Variants in LSMEM2 observed in about 807,000 individuals in gnomAD.
LSMEM2 encodes the protein leucine-rich single-pass membrane protein 2.
In LSMEM2, 20 loss-of-function variants were observed where a neutral mutation model predicts 17.3. The observed-to-expected ratio is 1.16, with a 90% CI of 0.81 to 1.68. The LOEUF is 1.68. Ranked by LOEUF, LSMEM2 falls within the 40% of genes most tolerant of loss-of-function variation. The pLI is 0.00. For synonymous variants in LSMEM2, 94 were observed against 97.8 expected, an observed-to-expected ratio of 0.96 and a Z score of 0.23; for missense variants, 207 against 214.3, an observed-to-expected ratio of 0.97 and a Z score of 0.21.
Position 50,287,119 on chromosome 3 carries a change from G to A in LSMEM2, c.412G>A (p.Glu138Lys), listed in dbSNP as rs1553708692. ...RILAHTLRTQ[E>K]ETLLKLRLAS... The stretch of plus-strand genomic sequence containing the variant: ...CCTGGCACACACGCTCCGCACGCAG[G>A]AGGAGACACTACTCAAACTCCGCTT... The change falls in exon 4 of 4, where the codon GAG becomes AAG. Residue 138 changes from glutamate (E) to lysine (K), a missense_variant. By Grantham distance (56) the Glu-to-Lys change is moderately conservative. Transcript: ENST00000316436. 2 of 1,614,126 alleles carry A rather than the reference G, an allele frequency of 1.2e-6. No homozygotes were observed. The highest frequency in any genetic ancestry group is 1.7e-6 in the Non-Finnish European group (2 of 1,180,024).
Position 50,286,599 on chromosome 3 carries a change from T to C in LSMEM2, c.172+15T>C. On this transcript the variant is annotated intron_variant, in intron 2 of 3. Transcript: ENST00000316436. ...ACATAGTGGAGGTGAGTGGGGACAG[T>C]GGGGTGGATGATGTGCTGGGGGAGG... The C allele has an allele frequency of 1.2e-6, 2 of 1,611,400 alleles. No homozygotes were observed. The highest frequency in any genetic ancestry group is 8.5e-7 in the Non-Finnish European group (1 of 1,178,648).
intron 1 of LSMEM2, among the ~76,000 whole-genome samples, chr3:50,285,941 A>G (rs938413687): frequency 6.6e-6 from 1 of 152,060 alleles, no homozygotes; most frequent in African/African-American, 2.4e-5. Flanking sequence ...GTGCAACAGT[A>G]TAACAAAGAA....
At chr3:50,284,816 AC>A (rs1373589664) in intron 1 of LSMEM2, among the ~76,000 whole-genome samples, 2 of 151,900 alleles carry the variant, frequency 1.3e-5, no homozygotes, top group Non-Finnish European at 2.9e-5. Flanking sequence ...CGGGCGGATC[AC>A]TTGAGGTCAG....
intron 1 of LSMEM2, among the ~76,000 whole-genome samples, chr3:50,282,380 C>T (rs958442850): frequency 6.6e-6 from 1 of 152,104 alleles, no homozygotes. Context: ...CTTTTGAGCA[C>T]GTCAAGAGGC....
chr3:50,279,268 T>A (rs1447188805), intron 1 of LSMEM2, 97 bp downstream of exon 1: 173 of 1,144,010 alleles, frequency 1.5e-4, no homozygotes, highest in Non-Finnish European at 2.2e-4. Context: ...CCTCACTGTC[T>A]TGAGTAGTTA....
At chr3:50,286,303 A>C in intron 1 of LSMEM2, 168 bp from the exon 2 acceptor site, 1 of 574,884 alleles carries the variant, frequency 1.7e-6, no homozygotes, top group Non-Finnish European at 2.2e-6. Context: ...AGGGTCTGGG[A>C]TCATCCTGGA....
chr3:50,280,997 T>G (rs1241484686), intron 1 of LSMEM2, among the ~76,000 whole-genome samples: 2 of 152,084 alleles, frequency 1.3e-5, no homozygotes, highest in African/African-American at 2.4e-5. Flanking sequence ...TTTCCTGTAA[T>G]AAACAATTCA....
chr3:50,286,909 G>T (rs200133922), intron 3 of LSMEM2, 47 bp downstream of exon 3: 1 of 1,602,524 alleles, frequency 6.2e-7, no homozygotes. Flanking sequence ...AAGGCAGTGG[G>T]GACTGGGAGG....
intron 1 of LSMEM2, among the ~76,000 whole-genome samples, chr3:50,284,950 C>G (rs1304557117): frequency 6.6e-6 from 1 of 151,978 alleles, no homozygotes; most frequent in African/African-American, 2.4e-5. Flanking sequence ...ACAGGAGAAT[C>G]ACTTGAACCC....
At chr3:50,281,253 G>T (rs1701388450) in intron 1 of LSMEM2, among the ~76,000 whole-genome samples, 1 of 150,392 alleles carries the variant, frequency 6.6e-6, no homozygotes, top group African/African-American at 2.4e-5. Flanking sequence ...GTAGAGACGG[G>T]GTTTCACTGT....
At position 50,287,103 on chromosome 3, in the gene LSMEM2, C is replaced by A. The variant is rs782091083; in HGVS notation, c.396C>A (p.His132Gln). 6.2e-7 allele frequency: 1 copy of A among 1,614,076 alleles called. No individual in the cohort carries two copies. The highest frequency in any genetic ancestry group is 1.3e-5 in the African/African-American group (1 of 74,944). Residue 132 changes from histidine (H) to glutamine (Q), a missense_variant, in exon 4 of 4, where the codon CAC becomes CAA. Transcript: ENST00000316436. ...GTGAATCCCTGCGCATCCTGGCACA[C>A]ACGCTCCGCACGCAGGAGGAGACAC... ...LQSESLRILA[H>Q]TLRTQEETLL... is the part of the protein sequence containing the mutation.
intron 1 of LSMEM2, among the ~76,000 whole-genome samples, chr3:50,286,076 A>G (rs1356954542): frequency 6.6e-6 from 1 of 152,234 alleles, no homozygotes; most frequent in African/African-American, 2.4e-5. Flanking sequence ...GAGTGGCTAC[A>G]ATAGGGCTTT....
Position 50,287,289 on chromosome 3 carries a change from C to A in LSMEM2, c.*87C>A. On this transcript the variant is annotated 3_prime_UTR_variant, in exon 4 of 4. Coordinates refer to ENST00000316436, the MANE Select transcript of LSMEM2 (RefSeq NM_153215.3). ...CAGGTCTCTCCTTCCCTACTGCTGG[C>A]TGCCACATCTACACTATTTCCTTGG... 6.6e-7 allele frequency: 1 copy of A among 1,526,538 alleles called. No homozygotes were observed. Among genetic ancestry groups the A allele is most frequent in the Non-Finnish European group, 9.0e-7 (1 of 1,109,046 alleles). 94.6% of individuals were successfully genotyped at this position (1,526,538 alleles called of 1,614,324 possible).
chr3:50,287,076 G>T lies in LSMEM2; in HGVS notation c.369G>T (p.Gln123His). ...CCCACTTCCCATTCACAGTGCTGCAGAGTGAATCCCTGCGCATCCTGGCAC... is the reference window on the plus strand; with the variant it reads ...CCCACTTCCCATTCACAGTGCTGCATAGTGAATCCCTGCGCATCCTGGCAC... ...ALLAVYLSVLQSESLRILAHT... is the reference protein window; with the variant it reads ...ALLAVYLSVLHSESLRILAHT... The change falls in exon 4 of 4, where the codon CAG (glutamine) becomes CAT (histidine). Residue 123 changes from glutamine (Q) to histidine (H), a missense_variant. Physicochemically the swap from Gln to His is conservative, Grantham distance 24 (BLOSUM62 0). Coordinates refer to ENST00000316436, the MANE Select transcript of LSMEM2 (RefSeq NM_153215.3). 1 of 1,614,170 alleles carries T rather than the reference G, an allele frequency of 6.2e-7. No individual in the cohort carries two copies. Among genetic ancestry groups the T allele is most frequent in the Non-Finnish European group, 8.5e-7 (1 of 1,180,014 alleles).
In LSMEM2 at chr3:50,285,160, C is replaced by T. The variant is rs587770640; in HGVS notation, c.59-1311C>T. Among the ~76,000 whole-genome samples, 6 of 152,154 alleles carry T rather than the reference C, an allele frequency of 3.9e-5. 1 individual carries two copies. The East Asian group carries it at 1.2e-3, about 29-fold the overall frequency. Reference sequence around the variant, plus strand: ...TAGCCTGGCCAAGATGGTGAAACCCCATCTCCACTAAAAATATAAAAAGTA... The same window carrying T: ...TAGCCTGGCCAAGATGGTGAAACCCTATCTCCACTAAAAATATAAAAAGTA... On this transcript the variant is annotated intron_variant, in intron 1 of 3. Coordinates refer to ENST00000316436, the MANE Select transcript of LSMEM2 (RefSeq NM_153215.3).
At chr3:50,278,863 G>A (rs1701330290), upstream of LSMEM2, among the ~76,000 whole-genome samples, 1 of 152,180 alleles carries the variant, frequency 6.6e-6, no homozygotes, top group Non-Finnish European at 1.5e-5. Flanking sequence ...GGGGAGGTGT[G>A]CTTCCCCTTG....
chr3:50,286,356 G>T, intron 1 of LSMEM2, 115 bp from the exon 2 acceptor site: 1 of 1,430,266 alleles, frequency 7.0e-7, no homozygotes, highest in Non-Finnish European at 9.2e-7. Flanking sequence ...AGGGGATTTG[G>T]AACCAAATGT....
In LSMEM2 at chr3:50,286,565, C is replaced by T; in HGVS notation, c.153C>T (p.Ile51=). 1 of 1,612,074 alleles carries T rather than the reference C, an allele frequency of 6.2e-7. No individual in the cohort carries two copies. The highest frequency in any genetic ancestry group is 8.5e-7 in the Non-Finnish European group (1 of 1,179,158). ...TATGCCTGCACCAGGTGGAGTCCATCAGCGACCTACATAGTGGAGGTGAGT... is the reference window on the plus strand; with the variant it reads ...TATGCCTGCACCAGGTGGAGTCCATTAGCGACCTACATAGTGGAGGTGAGT... ...HEVCLHQVES[I]SDLHSGAGTL... is the part of the protein sequence containing the mutation. The change falls in exon 2 of 4, where the codon ATC becomes ATT. Residue 51 remains isoleucine (I), a synonymous_variant. Coordinates refer to ENST00000316436, the MANE Select transcript of LSMEM2 (RefSeq NM_153215.3).
At chr3:50,284,735 A>T (rs1325579073) in intron 1 of LSMEM2, among the ~76,000 whole-genome samples, 1 of 151,884 alleles carries the variant, frequency 6.6e-6, no homozygotes, top group African/African-American at 2.4e-5. Flanking sequence ...TCTGTCTCAA[A>T]AACAAAACAA....
Sources: allele counts gnomAD v4.1 joint callset (sites outside exome capture counted in the v4.1 genomes callset), GRCh38; gene constraint gnomAD v4.1.1; transcripts MANE v1.5; gene names NCBI Gene and HGNC (gene_info 2026-07-23, HGNC 2026-07-21).